The following PANK1 variants were observed in gnomAD, a reference collection of about 807,000 sequenced individuals.
PANK1 encodes pantothenic acid kinase 1.
A neutral mutation model predicts 40.1 loss-of-function variants in PANK1; 18 were observed. That is an observed-to-expected ratio of 0.45 (90% CI 0.31 to 0.67). The LOEUF (loss-of-function observed/expected upper bound fraction) is 0.67, where lower values mean the gene tolerates loss of function less well. Ranked by LOEUF, PANK1 falls within the 30% of genes least tolerant of loss-of-function variation. The probability of loss-of-function intolerance (pLI) is 0.06; values close to 1 mark genes in which losing one functional copy is unlikely to be tolerated. For missense variants in PANK1, 457 were observed against 599.6 expected, an observed-to-expected ratio of 0.76 and a Z score of 2.48; for synonymous variants, 242 against 237.7, an observed-to-expected ratio of 1.02 and a Z score of -0.17.
chr10:89,611,022 C>T (rs978309433), intron 2 of PANK1, among the ~76,000 whole-genome samples: 3 of 152,106 alleles, frequency 2.0e-5, no homozygotes, highest in Admixed American at 1.3e-4. Flanking sequence ...CTGCATGTTA[C>T]TTATCCGTAT....
intron 3 of PANK1, 66 bp downstream of exon 3, chr10:89,599,186 C>A (rs62620049): frequency 0.1 from 143,080 of 1,434,638 alleles, 7,548 homozygotes; most frequent in Admixed American, 0.12. Context: ...ATATAAATAA[C>A]CTTTTACTAT....
intron 1 of PANK1, chr10:89,639,001 C>T (rs894366940): frequency 3.7e-6 from 1 of 269,100 alleles, no homozygotes; most frequent in Non-Finnish European, 7.9e-6. Context: ...TTACCCAGTT[C>T]CAAAACCGCT....
At chr10:89,582,337 G>C (rs1844066781), downstream of PANK1, 1 of 152,158 alleles carries the variant, frequency 6.6e-6, no homozygotes, top group African/African-American at 2.4e-5. Context: ...AAATCCTCAG[G>C]CTACAAGATC....
chr10:89,634,425 C>T (rs142395356), intron 1 of PANK1, among the ~76,000 whole-genome samples: 4 of 152,256 alleles, frequency 2.6e-5, no homozygotes, highest in African/African-American at 7.2e-5. Flanking sequence ...AGGATCAAGG[C>T]CAAGAGTACT....
In PANK1 at chr10:89,644,998, A is replaced by T; in HGVS notation, c.-107T>A. 6.4e-7 allele frequency: 1 copy of T among 1,569,958 alleles called. No individual in the cohort carries two copies. The highest frequency in any genetic ancestry group is 1.2e-5 in the South Asian group (1 of 86,924). ...GGATCCTCCCTGCGGCTTCCGATTC[A>T]GCAGCCGCAGAGCCGGCGCCTGGGG... is the stretch of plus-strand genomic sequence containing the variant. On this transcript the variant is annotated 5_prime_UTR_variant, in exon 1 of 7. Transcript: ENST00000307534.
chr10:89,597,801 C>G (rs1844656939), intron 3 of PANK1, among the ~76,000 whole-genome samples: 1 of 152,262 alleles, frequency 6.6e-6, no homozygotes, highest in Non-Finnish European at 1.5e-5. Flanking sequence ...AAATCACTCT[C>G]TAATGTAAAA....
intron 5 of PANK1, among the ~76,000 whole-genome samples, chr10:89,590,893 G>T (rs1434427985): frequency 6.6e-6 from 1 of 152,070 alleles, no homozygotes; most frequent in Non-Finnish European, 1.5e-5. Context: ...TAGCAAAAAA[G>T]AGGGAAGAAG....
chr10:89,591,687 C>T (rs1355353690), intron 5 of PANK1, among the ~76,000 whole-genome samples: 2 of 152,224 alleles, frequency 1.3e-5, no homozygotes, highest in South Asian at 2.1e-4. Flanking sequence ...TTCAGCCCCA[C>T]AGAAACATAT....
At position 89,644,735 on chromosome 10, in the gene PANK1, C is replaced by T; in HGVS notation, c.157G>A (p.Gly53Ser). The T allele has an allele frequency of 2.0e-6, 3 of 1,526,380 alleles. No homozygotes were observed. The highest frequency in any genetic ancestry group is 2.6e-6 in the Non-Finnish European group (3 of 1,143,128). 94.6% of individuals were successfully genotyped at this position (1,526,380 alleles called of 1,614,324 possible). A position where few individuals can be genotyped will look rare whatever the true frequency, so the allele number is the denominator to read the frequency against. Residue 53 changes from glycine to serine, a missense_variant, in exon 1 of 7, where the codon GGC (glycine) becomes AGC (serine). Around this residue, in one of 4 missense-constraint regions of PANK1, gnomAD observed 144 missense variants for 131.2 expected, o/e 1.10. Transcript: ENST00000307534. The part of the protein sequence containing the change: ...PHVCSRGPVG[G>S]SDAAPQRLPL... The stretch of plus-strand genomic sequence containing the variant: ...AGGCGCTGGGGCGCCGCGTCGCTGC[C>T]GCCCACTGGACCCCGGCTGCAGACG...
rs1396814681 is a variant in PANK1, at chr10:89,595,828, AAAAAAATATATATATATATATAT to A, written c.900-1862_900-1840del. ...CCGGACTCCATCTTAAAAAAAAAAA[AAAAAAATATATATATATATATAT>A]ATATATATATATATATATATATAAC... On this transcript the variant is annotated intron_variant, in intron 3 of 6. Coordinates refer to ENST00000307534, the MANE Select transcript of PANK1 (RefSeq NM_148977.3). 6.9e-4 allele frequency among the ~76,000 whole-genome samples: 46 copies of A among 67,132 alleles called. 3 individuals carry two copies. Among genetic ancestry groups the A allele is most frequent in the African/African-American group, 3.1e-3 (44 of 14,170 alleles). 44.0% of individuals were successfully genotyped at this position (67,132 alleles called of 152,430 possible).
At chr10:89,599,574 G>A (rs901821995) in intron 2 of PANK1, 69 bp from the exon 3 acceptor site, 82 of 1,461,828 alleles carry the variant, frequency 5.6e-5, no homozygotes, top group Non-Finnish European at 7.1e-5. Context: ...AGCCCCAGAG[G>A]TTTTATTTAA....
intron 3 of PANK1, among the ~76,000 whole-genome samples, chr10:89,598,458 C>T (rs1421215723): frequency 6.6e-6 from 1 of 152,218 alleles, no homozygotes; most frequent in East Asian, 1.9e-4. Context: ...CACTAATCTC[C>T]TAAGTTGTTC....
intron 1 of PANK1, among the ~76,000 whole-genome samples, chr10:89,621,040 G>A (rs4294495): frequency 0.15 from 23,096 of 152,140 alleles, 2,211 homozygotes; most frequent in East Asian, 0.46. Flanking sequence ...GGTGGTTCAC[G>A]CCTGTAATCC....
chr10:89,614,787 A>T (rs1172754849), intron 1 of PANK1, among the ~76,000 whole-genome samples: 2 of 150,914 alleles, frequency 1.3e-5, no homozygotes, highest in Non-Finnish European at 1.5e-5. Flanking sequence ...ACAGAGTGAG[A>T]CCCCCTATCT....
At chr10:89,590,191 C>T (rs1167595525) in intron 5 of PANK1, among the ~76,000 whole-genome samples, 1 of 151,924 alleles carries the variant, frequency 6.6e-6, no homozygotes, top group Non-Finnish European at 1.5e-5. Context: ...CGGGGAAAAA[C>T]ATCACCACAA....
At chr10:89,601,391 G>A (rs544868714) in intron 2 of PANK1, among the ~76,000 whole-genome samples, 1 of 151,550 alleles carries the variant, frequency 6.6e-6, no homozygotes, top group South Asian at 2.1e-4. Flanking sequence ...TGAGGTGGGA[G>A]GATCACTCAG....
At chr10:89,642,123 C>G (rs968921462) in intron 1 of PANK1, among the ~76,000 whole-genome samples, 16 of 152,150 alleles carry the variant, frequency 1.1e-4, no homozygotes, top group African/African-American at 3.6e-4. Flanking sequence ...ATTCTCCTTT[C>G]CTGGTTTAGC....
chr10:89,613,939 G>T, intron 1 of PANK1: 1 of 456,384 alleles, frequency 2.2e-6, no homozygotes, highest in Non-Finnish European at 4.4e-6. Flanking sequence ...TACCTCTTTG[G>T]ATTTTAATTT....
chr10:89,593,839 G>A lies in PANK1; in HGVS notation c.1050C>T (p.Gly350=). 1.9e-6 allele frequency: 3 copies of A among 1,613,678 alleles called. No individual in the cohort carries two copies. The highest frequency in any genetic ancestry group is 2.5e-6 in the Non-Finnish European group (3 of 1,179,678). Residue 350 remains glycine (G), a synonymous_variant, in exon 4 of 7, where the codon GGC becomes GGT. Coordinates refer to ENST00000307534, the MANE Select transcript of PANK1 (RefSeq NM_148977.3). ...TTGATGCTACAGCAGATCCTTGAAG[G>A]CCAAATCGTTCATAGTCTCCTCCGT... The part of the protein sequence containing the change: ...DIYGGDYERF[G]LQGSAVASSF...
Sources: gnomAD v4.1 joint callset for allele counts (sites outside exome capture counted in the v4.1 genomes callset) on GRCh38, gnomAD v4.1.1 for gene constraint, gnomAD v4.1.1 regional missense constraint, MANE v1.5 for transcripts, NCBI Gene and HGNC (gene_info 2026-07-23, HGNC 2026-07-21) for gene names.